B3GALT1: variants seen among roughly 807,000 people sequenced by gnomAD.
B3GALT1 encodes beta-1,3-galactosyltransferase 1.
A neutral mutation model predicts 23.2 loss-of-function variants in B3GALT1; 10 were observed. That is an observed-to-expected ratio of 0.43 (90% CI 0.27 to 0.73). The LOEUF is 0.73. Ranked by LOEUF, B3GALT1 falls within the 30% of genes least tolerant of loss-of-function variation. The pLI is 0.21. For missense variants in B3GALT1, 299 were observed against 405.4 expected, an observed-to-expected ratio of 0.74 and a Z score of 2.25; for synonymous variants, 156 against 141.5, an observed-to-expected ratio of 1.10 and a Z score of -0.73.
intron 2 of B3GALT1, among the ~76,000 whole-genome samples, chr2:167,549,250 G>T (rs1340501516): frequency 6.6e-6 from 1 of 152,148 alleles, no homozygotes; most frequent in African/African-American, 2.4e-5. Flanking sequence ...GCAGGTGTTA[G>T]TATCCCTATT....
intron 3 of B3GALT1, among the ~76,000 whole-genome samples, chr2:167,653,571 A>G (rs1685902349): frequency 2.0e-5 from 3 of 152,180 alleles, no homozygotes; most frequent in South Asian, 4.1e-4. Context: ...CCAAAATGAA[A>G]GGCTTTAGAG....
intron 3 of B3GALT1, among the ~76,000 whole-genome samples, chr2:167,677,516 C>A (rs1686449208): frequency 6.6e-6 from 1 of 152,206 alleles, no homozygotes; most frequent in Non-Finnish European, 1.5e-5. Context: ...CTGCTGACCT[C>A]AAGATTCATG....
chr2:167,356,813 A>G (rs984243256), intron 1 of B3GALT1, among the ~76,000 whole-genome samples: 2 of 151,970 alleles, frequency 1.3e-5, no homozygotes, highest in Non-Finnish European at 2.9e-5. Flanking sequence ...ATATATTTAG[A>G]CAGCAACATA....
chr2:167,396,538 G>A (rs201443413), intron 1 of B3GALT1, among the ~76,000 whole-genome samples: 7,588 of 50,902 alleles, frequency 0.15, 196 homozygotes, highest in Non-Finnish European at 0.23. Context: ...ATATATATGT[G>A]TGTGTGTGTG....
In B3GALT1 at chr2:167,796,222, G is replaced by A. The variant is rs147806088; in HGVS notation, c.-351-22450G>A. On this transcript the variant is annotated intron_variant, in intron 3 of 4. Coordinates refer to ENST00000392690, the MANE Select transcript of B3GALT1 (RefSeq NM_020981.4). ...TGTACTGGCTGCCAGGAAGCTCAATGCAAATCTAAACAAGGCCTGTGGCCA... is the reference window on the plus strand; with the variant it reads ...TGTACTGGCTGCCAGGAAGCTCAATACAAATCTAAACAAGGCCTGTGGCCA... Among the ~76,000 whole-genome samples, 4 of 152,210 alleles carry A rather than the reference G, an allele frequency of 2.6e-5. No individual in the cohort carries two copies. In the East Asian group the frequency reaches 7.7e-4, roughly 29 times the overall value.
intron 4 of B3GALT1, among the ~76,000 whole-genome samples, chr2:167,830,869 G>C (rs867186414): frequency 2.6e-5 from 4 of 152,226 alleles, no homozygotes; most frequent in Non-Finnish European, 1.5e-5. Flanking sequence ...GTGTTGCTAA[G>C]AGAAGTGGCT....
intron 3 of B3GALT1, among the ~76,000 whole-genome samples, chr2:167,684,606 A>G (rs1574211694): frequency 6.6e-6 from 1 of 152,250 alleles, no homozygotes; most frequent in Non-Finnish European, 1.5e-5. Flanking sequence ...TGATAAATAT[A>G]AGCCTCATTT....
chr2:167,830,553 G>A (rs1304888765), intron 4 of B3GALT1, among the ~76,000 whole-genome samples: 2 of 152,106 alleles, frequency 1.3e-5, no homozygotes, highest in East Asian at 3.9e-4. Context: ...ATTTGAAGAT[G>A]ATGCTACCAT....
intron 2 of B3GALT1, among the ~76,000 whole-genome samples, chr2:167,526,874 AT>A (rs1439498924): frequency 6.6e-5 from 10 of 152,124 alleles, no homozygotes; most frequent in Non-Finnish European, 1.3e-4. Flanking sequence ...ACAAATAGTT[AT>A]TATTAACATT....
intron 1 of B3GALT1, among the ~76,000 whole-genome samples, chr2:167,346,154 C>T (rs886741106): frequency 6.6e-6 from 1 of 151,062 alleles, no homozygotes; most frequent in Non-Finnish European, 1.5e-5. Flanking sequence ...ACGAAAATAA[C>T]CATTTTGTGA....
chr2:167,326,802 G>T (rs1033482697), intron 1 of B3GALT1, among the ~76,000 whole-genome samples: 5 of 152,046 alleles, frequency 3.3e-5, no homozygotes, highest in African/African-American at 1.2e-4. Flanking sequence ...CAATTCTCAT[G>T]CCTCAGCCTC....
At chr2:167,350,242 G>A (rs1355139346) in intron 1 of B3GALT1, among the ~76,000 whole-genome samples, 1 of 152,112 alleles carries the variant, frequency 6.6e-6, no homozygotes, top group Non-Finnish European at 1.5e-5. Flanking sequence ...AAATCTCCTT[G>A]AAGTACAGTT....
In B3GALT1 at chr2:167,537,919, G is replaced by A. The variant is rs1336116308; in HGVS notation, c.-410+47642G>A. Reference sequence around the variant, plus strand: ...GCTCACTGCAACTGCCCGCCTCCCTGGCTCAGGTCATTCTCTGCTCAGCCT... The same window carrying A: ...GCTCACTGCAACTGCCCGCCTCCCTAGCTCAGGTCATTCTCTGCTCAGCCT... On this transcript the variant is annotated intron_variant, in intron 2 of 4. Transcript: ENST00000392690. Among the ~76,000 whole-genome samples, 3 of 149,728 alleles carry A rather than the reference G, an allele frequency of 2.0e-5. No homozygotes were observed. In the Admixed American group the frequency reaches 2.0e-4, roughly 10 times the overall value.
At chr2:167,802,702 A>G (rs1688660923) in intron 3 of B3GALT1, among the ~76,000 whole-genome samples, 1 of 152,196 alleles carries the variant, frequency 6.6e-6, no homozygotes. Context: ...ACATGTCCCT[A>G]TTAAGCCCTT....
chr2:167,361,022 A>G lies in B3GALT1; in HGVS notation c.-511+67688A>G, dbSNP rs112244955. Among the ~76,000 whole-genome samples the G allele has an allele frequency of 7.4e-3, 1,128 of 152,272 alleles. 11 individuals carry two copies. The highest frequency in any genetic ancestry group is 0.026 in the African/African-American group (1,075 of 41,552). On this transcript the variant is annotated intron_variant, in intron 1 of 4. Coordinates refer to ENST00000392690, the MANE Select transcript of B3GALT1 (RefSeq NM_020981.4). ...GCTTCTAGTTCCAAGCATATTGCTG[A>G]AAAAGATCACAGGATTTCATTCTTT...
intron 3 of B3GALT1, among the ~76,000 whole-genome samples, chr2:167,798,673 T>G (rs1688582509): frequency 6.6e-6 from 1 of 152,226 alleles, no homozygotes; most frequent in Non-Finnish European, 1.5e-5. Context: ...CCATGCTGTT[T>G]TGGTTACTGT....
At chr2:167,751,525 C>T (rs1687737862) in intron 3 of B3GALT1, among the ~76,000 whole-genome samples, 1 of 152,052 alleles carries the variant, frequency 6.6e-6, no homozygotes, top group Non-Finnish European at 1.5e-5. Context: ...AAGACTTCAT[C>T]CAGGGGCTTA....
At chr2:167,350,818 T>C (rs753624248) in intron 1 of B3GALT1, among the ~76,000 whole-genome samples, 2 of 152,204 alleles carry the variant, frequency 1.3e-5, no homozygotes, top group African/African-American at 2.4e-5. Context: ...CCTATGTCAG[T>C]GCTCTACCAC....
At chr2:167,628,889 AT>A (rs1253906261) in intron 2 of B3GALT1, among the ~76,000 whole-genome samples, 3 of 151,684 alleles carry the variant, frequency 2.0e-5, no homozygotes, top group Non-Finnish European at 1.5e-5. Flanking sequence ...TAAGTTTCAG[AT>A]TTATTAGTGT....
Sources: allele counts gnomAD v4.1 joint callset (sites outside exome capture counted in the v4.1 genomes callset), GRCh38; gene constraint gnomAD v4.1.1; transcripts MANE v1.5; gene names NCBI Gene and HGNC (gene_info 2026-07-23, HGNC 2026-07-21).